MED19: variants seen among roughly 807,000 people sequenced by gnomAD.
MED19 encodes the protein mediator complex subunit 19.
MED19 carries 4 observed loss-of-function variants against 19.9 expected under a neutral mutation model. The observed-to-expected ratio is 0.20, with a 90% CI of 0.10 to 0.46. The LOEUF (loss-of-function observed/expected upper bound fraction) is 0.46, where lower values mean the gene tolerates loss of function less well. Ranked by LOEUF, MED19 falls within the 20% of genes least tolerant of loss-of-function variation. The pLI, the probability that MED19 is intolerant of heterozygous loss-of-function variation, is 0.99. For synonymous variants in MED19, 139 were observed against 119.6 expected, an observed-to-expected ratio of 1.16 and a Z score of -1.06; for missense variants, 303 against 318.7, an observed-to-expected ratio of 0.95 and a Z score of 0.38.
intron 1 of MED19, among the ~76,000 whole-genome samples, chr11:57,707,539 C>T (rs1206340702): frequency 2.0e-5 from 3 of 151,974 alleles, no homozygotes; most frequent in Non-Finnish European, 2.9e-5. Context: ...ATAAACAAGG[C>T]ACTTTCCCTC....
In MED19 at chr11:57,704,669, G is replaced by GTTTTTTT. The variant is rs34198151; in HGVS notation, c.571+43_571+49dup. On this transcript the variant is annotated intron_variant, in intron 3 of 4. Transcript: ENST00000431606. ...GTTCAAACCAGATTCAGAAGGTCAG[G>GTTTTTTT]TTTTTTTTTTTTTTTTTTTTTTTTT... 2.2e-3 allele frequency: 2,859 copies of GTTTTTTT among 1,284,682 alleles called. 5 individuals are homozygous for GTTTTTTT. The highest frequency in any genetic ancestry group is 3.2e-3 in the South Asian group (228 of 70,388). 79.6% of individuals were successfully genotyped at this position (1,284,682 alleles called of 1,614,324 possible). A position where few individuals can be genotyped will look rare whatever the true frequency, so the allele number is the denominator to read the frequency against.
At chr11:57,705,172 G>A in exon 2 of MED19, 1 of 1,614,124 alleles carries the variant, frequency 6.2e-7, no homozygotes, top group South Asian at 1.1e-5. Flanking sequence ...TTTATTATAG[G>A]CTTGTTCCAA....
chr11:57,706,716 G>C (rs760277441), intron 1 of MED19, among the ~76,000 whole-genome samples: 10 of 152,126 alleles, frequency 6.6e-5, no homozygotes, highest in Non-Finnish European at 1.5e-5. Context: ...TTGGGTGAGA[G>C]AGTGAGACCC....
intron 1 of MED19, among the ~76,000 whole-genome samples, chr11:57,710,377 T>A (rs902565904): frequency 2.0e-5 from 3 of 152,214 alleles, no homozygotes; most frequent in South Asian, 4.1e-4. Flanking sequence ...AAAAATTTTT[T>A]AAATGGCTTC....
exon 4 of MED19, chr11:57,704,337 G>A (rs1946482238): frequency 6.5e-7 from 1 of 1,535,382 alleles, no homozygotes; most frequent in Non-Finnish European, 8.7e-7. Context: ...TTCCTTTTCC[G>A]TTCAGGATCC....
exon 1 of MED19, chr11:57,712,017 C>T (rs1268157118): frequency 1.3e-6 from 2 of 1,534,364 alleles, no homozygotes; most frequent in East Asian, 5.0e-5. Context: ...GACTTGTCCG[C>T]GCCAGGAGGA....
exon 1 of MED19, chr11:57,712,172 T>C: frequency 6.6e-7 from 1 of 1,525,480 alleles, no homozygotes; most frequent in Non-Finnish European, 8.8e-7. Flanking sequence ...TGCCGTGAAA[T>C]TCTCCATCGT....
intron 1 of MED19, among the ~76,000 whole-genome samples, chr11:57,705,783 T>C (rs1946501937): frequency 6.6e-6 from 1 of 151,968 alleles, no homozygotes; most frequent in Non-Finnish European, 1.5e-5. Flanking sequence ...TCTAGCCCAA[T>C]GAAGGAGACA....
At chr11:57,703,772 C>G in exon 5 of MED19, 1 of 416,646 alleles carries the variant, frequency 2.4e-6, no homozygotes, top group Non-Finnish European at 4.2e-6. Flanking sequence ...CTAAATCAGA[C>G]AAATTGCACA....
intron 1 of MED19, among the ~76,000 whole-genome samples, chr11:57,706,966 G>C (rs1466343334): frequency 1.3e-5 from 2 of 152,122 alleles, no homozygotes; most frequent in Non-Finnish European, 2.9e-5. Context: ...GGGAGGCCAA[G>C]GCAGGCAGAT....
At chr11:57,711,553 C>A (rs753817773) in intron 1 of MED19, among the ~76,000 whole-genome samples, 1 of 152,126 alleles carries the variant, frequency 6.6e-6, no homozygotes, top group Non-Finnish European at 1.5e-5. Flanking sequence ...AGGGTTTCAT[C>A]ATGTTGGCCA....
At chr11:57,710,799 G>A (rs901055636) in intron 1 of MED19, among the ~76,000 whole-genome samples, 3 of 151,890 alleles carry the variant, frequency 2.0e-5, no homozygotes, top group Admixed American at 6.6e-5. Flanking sequence ...GTGTTCAAGC[G>A]ATTCTCCTCC....
chr11:57,706,738 AAAC>A (rs1048841039), intron 1 of MED19, among the ~76,000 whole-genome samples: 46 of 150,592 alleles, frequency 3.1e-4, no homozygotes, highest in Non-Finnish European at 5.2e-4. Context: ...GTCTCAAAAA[AAAC>A]AAAACAAAAC....
chr11:57,711,630 A>G (rs2135423567), intron 1 of MED19, among the ~76,000 whole-genome samples: 1 of 152,336 alleles, frequency 6.6e-6, no homozygotes, highest in South Asian at 2.1e-4. Flanking sequence ...TTGGGATTAC[A>G]GGCGTGAGCC....
intron 1 of MED19, among the ~76,000 whole-genome samples, chr11:57,706,519 C>T (rs369544328): frequency 6.6e-6 from 1 of 152,154 alleles, no homozygotes; most frequent in South Asian, 2.1e-4. Flanking sequence ...GCCTGTAATC[C>T]CAGCACTTCA....
Position 57,704,700 on chromosome 11 carries a change from G to GTTTTT in MED19, c.571+18_571+19insAAAAA. On this transcript the variant is annotated intron_variant, in intron 3 of 4. Transcript: ENST00000431606. Reference sequence around the variant, plus strand: ...TTTTTTTTTTTTTTTTTTTTGCTTTGAATAGAACTGCTTCTTACCTGGGGG... The same window carrying GTTTTT: ...TTTTTTTTTTTTTTTTTTTTGCTTTGTTTTTAATAGAACTGCTTCTTACCTGGGGG... 8.3e-6 allele frequency: 5 copies of GTTTTT among 602,384 alleles called. No homozygotes were observed. Among genetic ancestry groups the GTTTTT allele is most frequent in the South Asian group, 3.0e-5 (1 of 33,304 alleles). 37.3% of individuals were successfully genotyped at this position (602,384 alleles called of 1,614,324 possible).
At chr11:57,710,417 C>T (rs1647405) in intron 1 of MED19, among the ~76,000 whole-genome samples, 48,345 of 152,100 alleles carry the variant, frequency 0.32, 7,957 homozygotes, top group African/African-American at 0.35. Flanking sequence ...AATGCCTTTA[C>T]TGCTTTATAA....
intron 1 of MED19, among the ~76,000 whole-genome samples, chr11:57,706,429 A>G (rs541187880): frequency 6.2e-4 from 94 of 152,210 alleles, no homozygotes; most frequent in Non-Finnish European, 1.0e-3. Context: ...CCGGGATTAC[A>G]GGTGTGAGCC....
chr11:57,706,033 T>C (rs1946504664), intron 1 of MED19, among the ~76,000 whole-genome samples: 1 of 152,020 alleles, frequency 6.6e-6, no homozygotes. Flanking sequence ...ACTAATCACC[T>C]TTACATAAGA....
Sources: gnomAD v4.1 joint callset for allele counts (sites outside exome capture counted in the v4.1 genomes callset) on GRCh38, gnomAD v4.1.1 for gene constraint, MANE v1.5 for transcripts, NCBI Gene and HGNC (gene_info 2026-07-23, HGNC 2026-07-21) for gene names.